ACOXL: variants seen among roughly 807,000 people sequenced by gnomAD.
ACOXL encodes the protein acyl-coenzyme A oxidase-like protein.
In ACOXL, 70 loss-of-function variants were observed where a neutral mutation model predicts 71.9. The observed-to-expected ratio is 0.97, with a 90% CI of 0.80 to 1.19. The LOEUF is 1.19. Ranked by LOEUF, ACOXL falls within the 50% of genes most tolerant of loss-of-function variation. The pLI is 0.00. For missense variants in ACOXL, 703 were observed against 736.3 expected (o/e 0.95, Z 0.52); for synonymous variants, 253 against 281.6 (o/e 0.90, Z 1.02).
intron 10 of ACOXL, among the ~76,000 whole-genome samples, chr2:110,901,799 G>T (rs1267939179): frequency 6.6e-6 from 1 of 152,080 alleles, no homozygotes; most frequent in Non-Finnish European, 1.5e-5. Context: ...GCCGAGGTGG[G>T]TGGATCACTT....
At chr2:110,850,728 A>G (rs1692495961) in intron 10 of ACOXL, among the ~76,000 whole-genome samples, 1 of 152,210 alleles carries the variant, frequency 6.6e-6, no homozygotes, top group South Asian at 2.1e-4. Context: ...GGAAGGCGAA[A>G]TGGTACGGCC....
intron 10 of ACOXL, among the ~76,000 whole-genome samples, chr2:110,868,298 T>C (rs1289920179): frequency 1.3e-5 from 2 of 152,224 alleles, no homozygotes; most frequent in African/African-American, 4.8e-5. Context: ...GTTATCATTT[T>C]CCTTAATTCC....
chr2:110,914,925 C>G (rs1040667976), intron 11 of ACOXL, among the ~76,000 whole-genome samples: 3 of 152,158 alleles, frequency 2.0e-5, no homozygotes, highest in Admixed American at 2.0e-4. Flanking sequence ...TTAATGCAGA[C>G]ATGCAATTTG....
At chr2:111,106,189 CTG>C (rs1245833834) in intron 17 of ACOXL, among the ~76,000 whole-genome samples, 1 of 152,136 alleles carries the variant, frequency 6.6e-6, no homozygotes, top group Non-Finnish European at 1.5e-5. Context: ...TCCTGACCCT[CTG>C]TTCATTATAT....
chr2:110,958,119 G>A (rs1016467391), intron 12 of ACOXL, among the ~76,000 whole-genome samples: 7 of 150,900 alleles, frequency 4.6e-5, no homozygotes, highest in African/African-American at 7.3e-5. Flanking sequence ...GCATATGCAC[G>A]CGCATGCATA....
chr2:111,071,796 G>C (rs780449819), intron 16 of ACOXL, among the ~76,000 whole-genome samples: 2 of 152,166 alleles, frequency 1.3e-5, no homozygotes, highest in Non-Finnish European at 2.9e-5. Flanking sequence ...TCTGTTGTTG[G>C]TCCCAGTGGG....
At chr2:110,922,594 A>G (rs532830154) in intron 11 of ACOXL, among the ~76,000 whole-genome samples, 1 of 152,322 alleles carries the variant, frequency 6.6e-6, no homozygotes, top group East Asian at 1.9e-4. Context: ...TGTTATATGT[A>G]TCAACATGTT....
At chr2:110,901,560 C>T (rs1288827994) in intron 10 of ACOXL, among the ~76,000 whole-genome samples, 1 of 152,016 alleles carries the variant, frequency 6.6e-6, no homozygotes. Flanking sequence ...ATCTGAAGGG[C>T]ACTTTGAGAA....
chr2:110,832,467 A>G (rs986984292), intron 9 of ACOXL, among the ~76,000 whole-genome samples: 1 of 150,026 alleles, frequency 6.7e-6, no homozygotes, highest in African/African-American at 2.4e-5. Flanking sequence ...GAACCCGGGA[A>G]GCGGAGCTTG....
At chr2:110,795,935 C>G (rs1685225420) in intron 5 of ACOXL, 1 of 152,122 alleles carries the variant, frequency 6.6e-6, no homozygotes, top group Admixed American at 6.6e-5. Flanking sequence ...GCCTCGGCAG[C>G]TACCACTGTC....
At chr2:111,007,631 C>G (rs2063937771) in intron 14 of ACOXL, among the ~76,000 whole-genome samples, 1 of 152,054 alleles carries the variant, frequency 6.6e-6, no homozygotes, top group Non-Finnish European at 1.5e-5. Flanking sequence ...CTTGTAGTTT[C>G]CCTGCCAACC....
chr2:110,900,092 C>T (rs1187108347), intron 10 of ACOXL, among the ~76,000 whole-genome samples: 1 of 40,712 alleles, frequency 2.5e-5, no homozygotes, highest in African/African-American at 5.1e-5. Context: ...CACATACACA[C>T]ACACACACAC....
chr2:110,907,939 C>T (rs1464151575), intron 10 of ACOXL, among the ~76,000 whole-genome samples: 1 of 152,198 alleles, frequency 6.6e-6, no homozygotes, highest in Non-Finnish European at 1.5e-5. Context: ...GCCCACCATG[C>T]TTGATAACAT....
intron 10 of ACOXL, among the ~76,000 whole-genome samples, chr2:110,866,605 C>T (rs765028721): frequency 3.9e-5 from 6 of 151,918 alleles, no homozygotes; most frequent in Non-Finnish European, 5.9e-5. Context: ...ACAGGGGAGG[C>T]GCCAGTGGAG....
chr2:110,866,736 C>T (rs1167673231), intron 10 of ACOXL, among the ~76,000 whole-genome samples: 1 of 152,146 alleles, frequency 6.6e-6, no homozygotes, highest in Non-Finnish European at 1.5e-5. Context: ...TATTCACTTG[C>T]TCACCCGTTC....
chr2:110,825,398 A>G (rs112217251), intron 9 of ACOXL, among the ~76,000 whole-genome samples: 33 of 152,052 alleles, frequency 2.2e-4, no homozygotes, highest in Non-Finnish European at 3.7e-4. Flanking sequence ...TCTATAATCT[A>G]TCTGCTTGGT....
At chr2:110,861,758 A>C (rs1693981946) in intron 10 of ACOXL, among the ~76,000 whole-genome samples, 1 of 152,150 alleles carries the variant, frequency 6.6e-6, no homozygotes, top group Admixed American at 6.5e-5. Context: ...AATTATTTCC[A>C]ATTAGTGGGT....
intron 10 of ACOXL, among the ~76,000 whole-genome samples, chr2:110,862,450 A>G (rs1444819661): frequency 1.3e-5 from 2 of 152,152 alleles, no homozygotes; most frequent in Non-Finnish European, 2.9e-5. Context: ...TGGGCAACTT[A>G]GCAAGCTCTT....
At chr2:110,895,421 C>T (rs1436827715) in intron 10 of ACOXL, among the ~76,000 whole-genome samples, 1 of 152,030 alleles carries the variant, frequency 6.6e-6, no homozygotes, top group Non-Finnish European at 1.5e-5. Context: ...GTCTCAGGAA[C>T]TTGTGGAACT....
Sources: gnomAD v4.1 joint callset for allele counts (sites outside exome capture counted in the v4.1 genomes callset) on GRCh38, gnomAD v4.1.1 for gene constraint, MANE v1.5 for transcripts, NCBI Gene and HGNC (gene_info 2026-07-23, HGNC 2026-07-21) for gene names.